Variants in ZNF500 observed in about 807,000 individuals in gnomAD.
ZNF500 encodes the protein zinc finger protein 500, also known as zinc finger protein with KRAB and SCAN domains 18.
Under a neutral mutation model 30.1 loss-of-function variants are expected in ZNF500, and 31 were observed. The observed-to-expected ratio is 1.03, with a 90% confidence interval of 0.77 to 1.39. The LOEUF is 1.39. ZNF500 is among the 40% of genes most tolerant of loss of function. ZNF500 has a pLI of 0.00. For missense variants in ZNF500, 817 were observed against 657.8 expected (o/e 1.24, Z -2.65); for synonymous variants, 392 against 282.0 (o/e 1.39, Z -3.91).
chr16:4,764,736 T>A (rs1038726527), intron 2 of ZNF500, among the ~76,000 whole-genome samples: 2 of 146,674 alleles, frequency 1.4e-5, no homozygotes, highest in African/African-American at 5.2e-5. Context: ...GAGCCGAGAT[T>A]GCGCCACTGC....
At chr16:4,747,051 C>A, downstream of ZNF500, 1 of 1,504,322 alleles carries the variant, frequency 6.6e-7, no homozygotes, top group Non-Finnish European at 8.9e-7. Flanking sequence ...CCTCTCGCCA[C>A]CTGCAGATGT....
Position 4,762,342 on chromosome 16 carries a change from A to G in ZNF500, c.599-7T>C. On this transcript the variant is annotated splice_region_variant and splice_polypyrimidine_tract_variant and intron_variant, in intron 3 of 5. Transcript: ENST00000219478. ...TGCCGGGGAGCTGGAGGGCCTGGGA[A>G]GGAGCAGAGTCACCACCAGTCACAC... 6.2e-7 allele frequency: 1 copy of G among 1,603,218 alleles called. No homozygotes were observed. Among genetic ancestry groups the G allele is most frequent in the Non-Finnish European group, 8.5e-7 (1 of 1,174,938 alleles).
chr16:4,762,702 A>G lies in ZNF500; in HGVS notation c.469T>C (p.Leu157=), dbSNP rs1353789331. The change falls in exon 3 of 6, where the codon TTA becomes CTA. Residue 157 remains leucine (L), a synonymous_variant. Coordinates refer to ENST00000219478, the MANE Select transcript of ZNF500 (RefSeq NM_021646.4). ...EVPLGIGGQF[L]KHQAEAQPED... The stretch of plus-strand genomic sequence containing the variant: ...GGCTGAGCCTCTGCCTGGTGTTTTA[A>G]GAACTGTCCCCCTATCCCGAGGGGC... 4 of 1,613,700 alleles carry G rather than the reference A, an allele frequency of 2.5e-6. No homozygotes were observed. Among genetic ancestry groups the G allele is most frequent in the Admixed American group, 1.7e-5 (1 of 59,992 alleles).
intron 5 of ZNF500, among the ~76,000 whole-genome samples, chr16:4,757,810 G>C (rs924390714): frequency 1.3e-5 from 2 of 150,424 alleles, no homozygotes; most frequent in Admixed American, 6.6e-5. Flanking sequence ...CATCATGTTG[G>C]CCAGGATGGA....
At position 4,761,888 on chromosome 16, in the gene ZNF500, A is replaced by C. The variant is rs532831394; in HGVS notation, c.663+383T>G. On this transcript the variant is annotated intron_variant, in intron 4 of 5. Transcript: ENST00000219478. ...ACAAACAAACAAACAAACAAACAAA[A>C]ACCCCAAAAAAACCAGCAAGCAAAC... Among the ~76,000 whole-genome samples the C allele has an allele frequency of 4.9e-4, 71 of 145,420 alleles. 1 individual carries two copies. Among genetic ancestry groups the C allele is most frequent in the African/African-American group, 1.8e-3 (68 of 36,904 alleles).
chr16:4,760,638 C>T, intron 4 of ZNF500, 50 bp from the exon 5 acceptor site: 1 of 1,557,884 alleles, frequency 6.4e-7, no homozygotes. Context: ...GCTGCCTCCT[C>T]CCCAACTAAG....
At chr16:4,746,516 C>T (rs112152072), downstream of ZNF500, 14,867 of 1,612,374 alleles carry the variant, frequency 9.2e-3, 103 homozygotes, top group Non-Finnish European at 0.011. Context: ...CAGAAAGGTC[C>T]GGAGGGCAGT....
chr16:4,759,672 G>T (rs555934950), intron 5 of ZNF500, among the ~76,000 whole-genome samples: 1 of 152,166 alleles, frequency 6.6e-6, no homozygotes, highest in Admixed American at 6.5e-5. Context: ...GTGTGTGTGT[G>T]TATCTTCTGT....
At chr16:4,745,922 C>T (rs1223799796), downstream of ZNF500, among the ~76,000 whole-genome samples, 3 of 140,876 alleles carry the variant, frequency 2.1e-5, no homozygotes, top group African/African-American at 7.7e-5. Flanking sequence ...CACTGCAGTC[C>T]AGCCTGGGCG....
intron 5 of ZNF500, chr16:4,753,327 T>G (rs2082104795): frequency 4.0e-6 from 2 of 496,042 alleles, no homozygotes; most frequent in East Asian, 3.6e-5. Flanking sequence ...CTGGGCATGG[T>G]GGCGTGTGCC....
At chr16:4,756,275 G>C (rs1166121996) in intron 5 of ZNF500, 1 of 152,150 alleles carries the variant, frequency 6.6e-6, no homozygotes, top group African/African-American at 2.4e-5. Flanking sequence ...CACAAGATCA[G>C]GAGTTCAAGA....
intron 5 of ZNF500, among the ~76,000 whole-genome samples, chr16:4,754,672 A>T (rs80288748): frequency 1.0e-4 from 13 of 129,654 alleles, no homozygotes; most frequent in South Asian, 2.3e-4. Flanking sequence ...TCAAAAAAAT[A>T]AAAAAAAAAA....
intron 5 of ZNF500, among the ~76,000 whole-genome samples, chr16:4,759,926 C>T (rs2082178504): frequency 6.6e-6 from 1 of 152,188 alleles, no homozygotes. Context: ...GTAATCCCAG[C>T]TACTTGGGAG....
chr16:4,761,939 C>T (rs1010449588), intron 4 of ZNF500, among the ~76,000 whole-genome samples: 4 of 152,160 alleles, frequency 2.6e-5, no homozygotes, highest in Non-Finnish European at 5.9e-5. Flanking sequence ...TCCAGCCCAG[C>T]GGTGTGGGAG....
chr16:4,751,907 C>CAAA lies in ZNF500; in HGVS notation c.*466_*468dup. ...TGGGGGACACAGCAAGGCCCCGTCT[C>CAAA]AAAAAAAAAAGGGGGGGGGAGCAGG... On this transcript the variant is annotated 3_prime_UTR_variant, in exon 6 of 6. Transcript: ENST00000219478. The CAAA allele has an allele frequency of 5.3e-6, 1 of 188,376 alleles. No homozygotes were observed. The highest frequency in any genetic ancestry group is 1.7e-4 in the South Asian group (1 of 5,776). 11.7% of individuals were successfully genotyped at this position (188,376 alleles called of 1,614,324 possible). A position where few individuals can be genotyped will look rare whatever the true frequency, so the allele number is the denominator to read the frequency against.
At chr16:4,763,422 A>G (rs1433325354) in intron 2 of ZNF500, among the ~76,000 whole-genome samples, 1 of 152,082 alleles carries the variant, frequency 6.6e-6, no homozygotes, top group African/African-American at 2.4e-5. Context: ...AAAAAAAGAA[A>G]AAAAAAAGAA....
chr16:4,761,585 C>T (rs1448256601), intron 4 of ZNF500, among the ~76,000 whole-genome samples: 1 of 151,176 alleles, frequency 6.6e-6, no homozygotes, highest in Non-Finnish European at 1.5e-5. Context: ...GTGGCTTATG[C>T]CTGTAATCCC....
Position 4,762,644 on chromosome 16 carries a change from A to G in ZNF500, c.527T>C (p.Phe176Ser), listed in dbSNP as rs1190595268. 6 of 1,613,906 alleles carry G rather than the reference A, an allele frequency of 3.7e-6. No individual in the cohort carries two copies. The African/African-American group carries it at 6.7e-5, about 18-fold the overall frequency. The change falls in exon 3 of 6, where the codon TTC becomes TCC. Residue 176 changes from phenylalanine to serine, a missense_variant. Transcript: ENST00000219478. ...CTGGGCTGGGGGCTGCTGGCTGGAG[A>G]ATCGAGCCTCTTCCTCCAGGGACAG... is the stretch of plus-strand genomic sequence containing the variant. ...EDLSLEEEAR[F>S]SSQQPPAQLS...
intron 4 of ZNF500, among the ~76,000 whole-genome samples, chr16:4,761,064 C>T (rs1044410982): frequency 2.0e-5 from 3 of 152,196 alleles, no homozygotes; most frequent in African/African-American, 7.2e-5. Context: ...CAAGAAGGAG[C>T]TTTGTGGTTG....
Sources: allele counts gnomAD v4.1 joint callset (sites outside exome capture counted in the v4.1 genomes callset), GRCh38; gene constraint gnomAD v4.1.1; transcripts MANE v1.5; gene names NCBI Gene and HGNC (gene_info 2026-07-23, HGNC 2026-07-21).